The following ITPRID2 variants were observed in gnomAD, a reference collection of about 807,000 sequenced individuals.
ITPRID2 encodes the protein ITPR interacting domain containing 2.
A neutral mutation model predicts 124.3 loss-of-function variants in ITPRID2; 60 were observed. The ratio of observed to expected loss-of-function variants is 0.48; its 90% CI spans 0.39 to 0.60. ITPRID2 has a LOEUF of 0.60. Ranked by LOEUF, ITPRID2 falls within the 20% of genes least tolerant of loss-of-function variation. ITPRID2 has a pLI of 0.00. For missense variants in ITPRID2, 1,553 were observed against 1,512.2 expected (o/e 1.03, Z -0.45); for synonymous variants, 521 against 542.9 (o/e 0.96, Z 0.56).
chr2:181,900,203 C>T (rs765670744), intron 6 of ITPRID2, among the ~76,000 whole-genome samples: 1 of 152,184 alleles, frequency 6.6e-6, no homozygotes, highest in Non-Finnish European at 1.5e-5. Context: ...AAGCTCCTCC[C>T]TCGCTTCTCT....
chr2:181,916,130 C>T lies in ITPRID2; in HGVS notation c.2490C>T (p.Thr830=). 6.2e-7 allele frequency: 1 copy of T among 1,614,210 alleles called. No homozygotes were observed. The highest frequency in any genetic ancestry group is 8.5e-7 in the Non-Finnish European group (1 of 1,180,032). ...VEECHHGRTP[T]CSRLAPPPMS... is the part of the protein sequence containing the mutation. The stretch of plus-strand genomic sequence containing the variant: ...AATGCCATCATGGAAGGACTCCTAC[C>T]TGTTCACGGCTTGCTCCACCACCAA... Residue 830 remains threonine, a synonymous_variant, in exon 11 of 18, where the codon ACC becomes ACT. Coordinates refer to ENST00000431877, the MANE Select transcript of ITPRID2 (RefSeq NM_001130445.3).
chr2:181,904,228 C>G (rs929059767), intron 8 of ITPRID2, among the ~76,000 whole-genome samples: 1 of 151,830 alleles, frequency 6.6e-6, no homozygotes, highest in Non-Finnish European at 1.5e-5. Context: ...TTTTTGCCCC[C>G]TCTACTGGCA....
intron 15 of ITPRID2, among the ~76,000 whole-genome samples, chr2:181,921,595 CTG>C (rs1448330251): frequency 6.6e-6 from 1 of 152,176 alleles, no homozygotes; most frequent in Non-Finnish European, 1.5e-5. Context: ...TAACAGAAAT[CTG>C]TCTTTATTGT....
chr2:181,921,904 C>T, intron 15 of ITPRID2, 44 bp from the exon 16 acceptor site: 1 of 1,546,456 alleles, frequency 6.5e-7, no homozygotes, highest in Non-Finnish European at 8.8e-7. Flanking sequence ...AGCTACCAAT[C>T]TTAATTCCAA....
In ITPRID2 at chr2:181,916,070, A is replaced by C. The variant is rs761372895; in HGVS notation, c.2430A>C (p.Glu810Asp). ...TCTCTCCATCATCTGTGAAGAAAGA[A>C]GAAGCCCCCCAGAGTGAGGCGCCGC... ...IFISPSSVKK[E>D]EAPQSEAPRV... The change falls in exon 11 of 18, where the codon GAA (glutamate) becomes GAC (aspartate). Residue 810 changes from glutamate to aspartate, a missense_variant. By Grantham distance (45) the Glu-to-Asp change is conservative. Coordinates refer to ENST00000431877, the MANE Select transcript of ITPRID2 (RefSeq NM_001130445.3). 19 of 1,614,114 alleles carry C rather than the reference A, an allele frequency of 1.2e-5. No individual in the cohort carries two copies. The Middle Eastern group carries it at 4.9e-4, about 42-fold the overall frequency.
Position 181,905,904 on chromosome 2 carries a change from A to T in ITPRID2, c.1413+3438A>T, listed in dbSNP as rs543195458. Among the ~76,000 whole-genome samples, 1 of 152,210 alleles carries T rather than the reference A, an allele frequency of 6.6e-6. No individual in the cohort carries two copies. The highest frequency in any genetic ancestry group is 1.5e-5 in the Non-Finnish European group (1 of 68,030). On this transcript the variant is annotated intron_variant, in intron 8 of 17. Coordinates refer to ENST00000431877, the MANE Select transcript of ITPRID2 (RefSeq NM_001130445.3). The surrounding 1 kb of genome is among the most constrained non-coding windows in gnomAD (Gnocchi z 4.1). ...TGTAACTGTGTATGTTTTGAAGATA[A>T]GCCTGCCCTGGAATATGAACTCTAA...
chr2:181,928,283 A>T lies in ITPRID2; in HGVS notation c.*13+5A>T. 1 of 1,485,374 alleles carries T rather than the reference A, an allele frequency of 6.7e-7. No homozygotes were observed. The highest frequency in any genetic ancestry group is 1.3e-5 in the South Asian group (1 of 78,230). The allele number at this position is 1,485,374 out of a possible 1,614,324, so 92.0% of individuals were successfully genotyped here. ...ATCATTAAACAGAAATTATAGGTAA[A>T]TTTTTCTGAGTTTCTTTGTTGAGCT... On this transcript the variant is annotated splice_donor_5th_base_variant and intron_variant, in intron 17 of 17. Coordinates refer to ENST00000431877, the MANE Select transcript of ITPRID2 (RefSeq NM_001130445.3).
chr2:181,922,854 G>A (rs1308681069), intron 16 of ITPRID2, among the ~76,000 whole-genome samples: 1 of 152,008 alleles, frequency 6.6e-6, no homozygotes, highest in Non-Finnish European at 1.5e-5. Context: ...CCTGGGAGGC[G>A]GAGGTTGCAG....
rs1354085485 is a variant in ITPRID2, at chr2:181,892,473, A to G, written c.212-142A>G. 3 of 1,230,408 alleles carry G rather than the reference A, an allele frequency of 2.4e-6. No individual in the cohort carries two copies. The Admixed American group carries it at 6.1e-5, about 25-fold the overall frequency. The allele number at this position is 1,230,408 out of a possible 1,614,324, so 76.2% of individuals were successfully genotyped here. A position where few individuals can be genotyped will look rare whatever the true frequency, so the allele number is the denominator to read the frequency against. ...AACACAGACAACTGGGTGCCATCCGATTTCCCTGCCAAGGGACACTGAGAC... is the reference window on the plus strand; with the variant it reads ...AACACAGACAACTGGGTGCCATCCGGTTTCCCTGCCAAGGGACACTGAGAC... On this transcript the variant is annotated intron_variant, in intron 1 of 17. Transcript: ENST00000431877. This position sits in a 1 kb window ranked among gnomAD's most constrained non-coding sequence, Gnocchi z 5.2.
intron 16 of ITPRID2, among the ~76,000 whole-genome samples, chr2:181,923,093 T>A (rs1694602688): frequency 6.6e-6 from 1 of 152,172 alleles, no homozygotes; most frequent in African/African-American, 2.4e-5. Context: ...CTTGAAGAAT[T>A]ACCATAGTTA....
chr2:181,901,635 A>G (rs1692674441), intron 7 of ITPRID2, 131 bp from the exon 8 acceptor site: 1 of 672,270 alleles, frequency 1.5e-6, no homozygotes, highest in Non-Finnish European at 2.2e-6. Flanking sequence ...TTAGATGAGG[A>G]AAAAATAGGG....
intron 11 of ITPRID2, 182 bp from the exon 12 acceptor site, chr2:181,918,416 G>C (rs112008934): frequency 1.4e-6 from 2 of 1,381,502 alleles, no homozygotes; most frequent in African/African-American, 2.9e-5. Flanking sequence ...GGAACAGCTA[G>C]CAGTACTAGG....
At position 181,902,130 on chromosome 2, in the gene ITPRID2, TAAA is replaced by T. The variant is rs748245356; in HGVS notation, c.1078_1080del (p.Lys360del). The T allele has an allele frequency of 1.1e-5, 18 of 1,613,252 alleles. No individual in the cohort carries two copies. The highest frequency in any genetic ancestry group is 1.4e-5 in the Non-Finnish European group (16 of 1,179,662). On this transcript the variant is annotated inframe_deletion, in exon 8 of 18. Coordinates refer to ENST00000431877, the MANE Select transcript of ITPRID2 (RefSeq NM_001130445.3). The surrounding 1 kb of genome is among the most constrained non-coding windows in gnomAD (Gnocchi z 4.4). The stretch of plus-strand genomic sequence containing the variant: ...AGTCATCTTCTATGTTGGCTACAGT[TAAA>T]GAAGAAGTCTCTGGTAGTTCAGCAG...
rs1403135001 is a variant in ITPRID2, at chr2:181,900,798, C to T, written c.606C>T (p.Ser202=). 1 of 1,613,116 alleles carries T rather than the reference C, an allele frequency of 6.2e-7. No individual in the cohort carries two copies. Among genetic ancestry groups the T allele is most frequent in the East Asian group, 2.2e-5 (1 of 44,772 alleles). The stretch of plus-strand genomic sequence containing the variant: ...CAGATATTGCTTCTAAAATTCCTTC[C>T]AGATTTTTTAATTCATCATCCTTTG... ...DEPDIASKIP[S]RFFNSSSFAK... is the part of the protein sequence containing the mutation. The change falls in exon 7 of 18, where the codon TCC becomes TCT. Residue 202 remains serine, a synonymous_variant. Transcript: ENST00000431877.
intron 16 of ITPRID2, 83 bp from the exon 17 acceptor site, chr2:181,928,078 C>A: frequency 1.2e-6 from 1 of 853,426 alleles, no homozygotes; most frequent in Non-Finnish European, 1.8e-6. Flanking sequence ...AAATTGAATG[C>A]TATTTGTATT....
chr2:181,922,702 C>T (rs1694569007), intron 16 of ITPRID2, among the ~76,000 whole-genome samples: 1 of 152,152 alleles, frequency 6.6e-6, no homozygotes, highest in Admixed American at 6.5e-5. Context: ...ACTCTTTGGA[C>T]CTCTTGTTTC....
At position 181,909,890 on chromosome 2, in the gene ITPRID2, C is replaced by CAAA; in HGVS notation, c.1414-9_1414-8insAAA. 6.2e-7 allele frequency: 1 copy of CAAA among 1,611,226 alleles called. No individual in the cohort carries two copies. The highest frequency in any genetic ancestry group is 8.5e-7 in the Non-Finnish European group (1 of 1,177,852). On this transcript the variant is annotated splice_polypyrimidine_tract_variant and intron_variant, in intron 8 of 17. Coordinates refer to ENST00000431877, the MANE Select transcript of ITPRID2 (RefSeq NM_001130445.3). ...CATTTGGTTTTAACTACTTAAAACTCTTCTTAAGGTTCAAAGTACGGAGGG... is the reference window on the plus strand; with the variant it reads ...CATTTGGTTTTAACTACTTAAAACTCAAATTCTTAAGGTTCAAAGTACGGAGGG...
chr2:181,892,305 G>A lies in ITPRID2; in HGVS notation c.211+28G>A, dbSNP rs369175254. 1.3e-6 allele frequency: 2 copies of A among 1,528,346 alleles called. No individual in the cohort carries two copies. Among genetic ancestry groups the A allele is most frequent in the Non-Finnish European group, 1.8e-6 (2 of 1,137,282 alleles). 94.7% of individuals were successfully genotyped at this position (1,528,346 alleles called of 1,614,324 possible). On this transcript the variant is annotated intron_variant, in intron 1 of 17. Coordinates refer to ENST00000431877, the MANE Select transcript of ITPRID2 (RefSeq NM_001130445.3). This position sits in a 1 kb window ranked among gnomAD's most constrained non-coding sequence, Gnocchi z 5.2. Reference sequence around the variant, plus strand: ...CGGTGCTCCCGGCCGGGCTCCGGGGGGAGGCTGGTGGGCTGGGGAGAGTCT... The same window carrying A: ...CGGTGCTCCCGGCCGGGCTCCGGGGAGAGGCTGGTGGGCTGGGGAGAGTCT...
rs1693204825 is a variant in ITPRID2, at chr2:181,907,213, T to G, written c.1414-2686T>G. 6.6e-6 allele frequency among the ~76,000 whole-genome samples: 1 copy of G among 152,166 alleles called. No homozygotes were observed. The highest frequency in any genetic ancestry group is 2.4e-5 in the African/African-American group (1 of 41,436). ...TAGTCAAGGTAAACATGACAGCTGT[T>G]AAGAAACCAAAGTGGTTCACTGAAA... is the stretch of plus-strand genomic sequence containing the variant. On this transcript the variant is annotated intron_variant, in intron 8 of 17. Transcript: ENST00000431877. This position sits in a 1 kb window ranked among gnomAD's most constrained non-coding sequence, Gnocchi z 5.1.
Sources: allele counts gnomAD v4.1 joint callset (sites outside exome capture counted in the v4.1 genomes callset), GRCh38; gene constraint gnomAD v4.1.1; non-coding constraint Gnocchi (gnomAD v3.1); transcripts MANE v1.5; gene names NCBI Gene and HGNC (gene_info 2026-07-23, HGNC 2026-07-21).